The following SCLT1 variants were observed in gnomAD, a reference collection of about 807,000 sequenced individuals.
The protein encoded by SCLT1 is sodium channel-associated protein 1.
In SCLT1, 78 loss-of-function variants were observed where a neutral mutation model predicts 112.8. The ratio of observed to expected loss-of-function variants is 0.69; its 90% confidence interval spans 0.58 to 0.83. The LOEUF is 0.83. Among genes scored for constraint, SCLT1 ranks in the 40% least tolerant of loss-of-function variants. SCLT1 has a pLI of 0.00. For synonymous variants in SCLT1, 257 were observed against 254.7 expected (o/e 1.01, Z -0.09); for missense variants, 747 against 770.4 (o/e 0.97, Z 0.36).
chr4:128,950,446 G>C (rs1209495911), intron 14 of SCLT1, among the ~76,000 whole-genome samples: 1 of 152,216 alleles, frequency 6.6e-6, no homozygotes, highest in East Asian at 1.9e-4. Context: ...AATTCTAGTA[G>C]AAATGCACTA....
At chr4:128,927,414 A>G (rs568945193) in intron 18 of SCLT1, among the ~76,000 whole-genome samples, 16 of 152,048 alleles carry the variant, frequency 1.1e-4, no homozygotes, top group Non-Finnish European at 1.8e-4. Flanking sequence ...GTCTCTACAA[A>G]AAACACAAAA....
At chr4:129,010,305 T>A (rs1367252806) in intron 5 of SCLT1, among the ~76,000 whole-genome samples, 1 of 152,206 alleles carries the variant, frequency 6.6e-6, no homozygotes. Flanking sequence ...GCATGCTGTT[T>A]TGGTTACTGT....
chr4:129,029,111 A>C (rs536762964), intron 5 of SCLT1, among the ~76,000 whole-genome samples: 18 of 152,236 alleles, frequency 1.2e-4, no homozygotes, highest in East Asian at 7.7e-4. Flanking sequence ...TTGTGGAAGT[A>C]AGTGTGGCAA....
rs781161163 is a variant in SCLT1, at chr4:128,957,029, T to C, written c.1143A>G (p.Lys381=). The C allele has an allele frequency of 5.3e-6, 8 of 1,519,536 alleles. No homozygotes were observed. Among genetic ancestry groups the C allele is most frequent in the Non-Finnish European group, 6.3e-6 (7 of 1,116,888 alleles). 94.1% of individuals were successfully genotyped at this position (1,519,536 alleles called of 1,614,324 possible). The change falls in exon 13 of 21, where the codon AAA becomes AAG. Residue 381 remains lysine, a synonymous_variant. Transcript: ENST00000281142. ...FVQDATIRTK[K]EVANTKKQCN... ...AAATATAATTAAAAATCCTTACTTCTTTCTTGGTTCTTATGGTAGCATCTT... is the reference window on the plus strand; with the variant it reads ...AAATATAATTAAAAATCCTTACTTCCTTCTTGGTTCTTATGGTAGCATCTT...
At chr4:129,090,772 T>G (rs1424473796) in intron 1 of SCLT1, among the ~76,000 whole-genome samples, 1 of 152,212 alleles carries the variant, frequency 6.6e-6, no homozygotes, top group African/African-American at 2.4e-5. Flanking sequence ...AAAAACTAAC[T>G]GATCTTTCCC....
intron 18 of SCLT1, among the ~76,000 whole-genome samples, chr4:128,920,773 C>CACT (rs1400828835): frequency 6.6e-6 from 1 of 152,178 alleles, no homozygotes; most frequent in Non-Finnish European, 1.5e-5. Context: ...TGCCCACTCT[C>CACT]ACTACCCCTA....
chr4:129,040,036 G>GA (rs973783372), intron 4 of SCLT1: 15 of 606,208 alleles, frequency 2.5e-5, no homozygotes, highest in Middle Eastern at 2.6e-4. Flanking sequence ...CTAAAGGAGA[G>GA]AAGCTTATCC....
intron 5 of SCLT1, among the ~76,000 whole-genome samples, chr4:129,016,573 T>C (rs1294681533): frequency 6.6e-6 from 1 of 152,234 alleles, no homozygotes; most frequent in Non-Finnish European, 1.5e-5. Context: ...GAGCTAGATA[T>C]TATACATTTA....
At chr4:129,002,286 G>A (rs1743565728) in intron 6 of SCLT1, among the ~76,000 whole-genome samples, 1 of 151,632 alleles carries the variant, frequency 6.6e-6, no homozygotes, top group Non-Finnish European at 1.5e-5. Flanking sequence ...AAACATTTGG[G>A]ATATAACACT....
At chr4:128,877,833 T>C (rs988652089) in intron 3 of SCLT1, among the ~76,000 whole-genome samples, 1 of 152,194 alleles carries the variant, frequency 6.6e-6, no homozygotes, top group African/African-American at 2.4e-5. Context: ...TATAACCTAA[T>C]AGATAATGAG....
chr4:128,943,828 A>C (rs1360144826), intron 16 of SCLT1, among the ~76,000 whole-genome samples: 1 of 152,234 alleles, frequency 6.6e-6, no homozygotes, highest in African/African-American at 2.4e-5. Context: ...TAAAACTTCC[A>C]TCTTTTCAAT....
At chr4:129,029,170 T>C (rs1746446893) in intron 5 of SCLT1, among the ~76,000 whole-genome samples, 1 of 152,250 alleles carries the variant, frequency 6.6e-6, no homozygotes, top group South Asian at 2.1e-4. Context: ...AGCCATTCCA[T>C]TACTGGGTAC....
intron 2 of SCLT1, among the ~76,000 whole-genome samples, chr4:129,045,107 G>A (rs1748065620): frequency 6.6e-6 from 1 of 151,964 alleles, no homozygotes; most frequent in Non-Finnish European, 1.5e-5. Flanking sequence ...GAAAAATACA[G>A]ATAAAAATCC....
At position 128,938,299 on chromosome 4, in the gene SCLT1, T is replaced by C. The variant is rs1047161347; in HGVS notation, c.1633-1448A>G. On this transcript the variant is annotated intron_variant, in intron 17 of 20. Transcript: ENST00000281142. Reference sequence around the variant, plus strand: ...AAAACAAGGCCCAACAACAACAAAATTCTTGGCTCACTGGAGCAAACTGCA... The same window carrying C: ...AAAACAAGGCCCAACAACAACAAAACTCTTGGCTCACTGGAGCAAACTGCA... Among the ~76,000 whole-genome samples the C allele has an allele frequency of 7.9e-5, 12 of 152,262 alleles. No individual in the cohort carries two copies. In the East Asian group the frequency reaches 1.9e-3, roughly 24 times the overall value.
intron 1 of SCLT1, among the ~76,000 whole-genome samples, chr4:129,087,311 A>G (rs566527683): frequency 6.6e-6 from 1 of 152,366 alleles, no homozygotes; most frequent in Non-Finnish European, 1.5e-5. Context: ...CTTTCCACAA[A>G]GAAAACTTCA....
intron 18 of SCLT1, among the ~76,000 whole-genome samples, chr4:128,916,412 G>A (rs910652875): frequency 6.6e-6 from 1 of 152,106 alleles, no homozygotes; most frequent in African/African-American, 2.4e-5. Context: ...AAAATCAAAT[G>A]TAATGAAACC....
chr4:128,990,341 A>G (rs4552476), intron 9 of SCLT1, among the ~76,000 whole-genome samples: 13,509 of 151,992 alleles, frequency 0.089, 765 homozygotes, highest in South Asian at 0.15. Flanking sequence ...GACAAAAACC[A>G]TATGATAATT....
At chr4:129,049,511 G>A (rs1351680715) in intron 2 of SCLT1, among the ~76,000 whole-genome samples, 5 of 149,056 alleles carry the variant, frequency 3.4e-5, no homozygotes, top group African/African-American at 1.2e-4. Context: ...GATAGCATTA[G>A]GAGATACACC....
chr4:128,939,436 C>T (rs971937470), intron 17 of SCLT1, among the ~76,000 whole-genome samples: 1 of 152,252 alleles, frequency 6.6e-6, no homozygotes, highest in African/African-American at 2.4e-5. Flanking sequence ...TGTGGTAATG[C>T]TGACAGGCTA....
Sources: allele counts gnomAD v4.1 joint callset (sites outside exome capture counted in the v4.1 genomes callset), GRCh38; gene constraint gnomAD v4.1.1; transcripts MANE v1.5; gene names NCBI Gene and HGNC (gene_info 2026-07-23, HGNC 2026-07-21).